The following ZBTB7C variants were observed in gnomAD, a reference collection of about 807,000 sequenced individuals.
The protein encoded by ZBTB7C is zinc finger and BTB domain-containing protein 7C.
ZBTB7C carries 8 observed loss-of-function variants against 25.7 expected under a neutral mutation model. The observed-to-expected ratio is 0.31, with a 90% CI of 0.18 to 0.56. The LOEUF (loss-of-function observed/expected upper bound fraction) is 0.56, where lower values mean the gene tolerates loss of function less well. Among genes scored for constraint, ZBTB7C ranks in the 20% least tolerant of loss-of-function variants. The probability of loss-of-function intolerance (pLI) is 0.91; values close to 1 mark genes in which losing one functional copy is unlikely to be tolerated. For missense variants in ZBTB7C, 824 were observed against 855.2 expected (o/e 0.96, Z 0.46); for synonymous variants, 394 against 369.0 (o/e 1.07, Z -0.78).
At chr18:48,330,761 C>A (rs1295251988) in intron 2 of ZBTB7C, among the ~76,000 whole-genome samples, 2 of 151,744 alleles carry the variant, frequency 1.3e-5, no homozygotes, top group Non-Finnish European at 2.9e-5. Flanking sequence ...GGGGTGGAGA[C>A]AGAATGGAAG....
rs182139971 is a variant in ZBTB7C, at chr18:48,169,462, C to T, written c.-17+16472G>A. ...GCCCTGCCATCGTCACTTTTGAACT[C>T]GCAGCACCTGGCACACTGTGTTGCA... On this transcript the variant is annotated intron_variant, in intron 3 of 4. Transcript: ENST00000590800. Among the ~76,000 whole-genome samples the T allele has an allele frequency of 9.5e-4, 145 of 152,246 alleles. 1 individual carries two copies. The highest frequency in any genetic ancestry group is 3.4e-3 in the African/African-American group (142 of 41,530).
At chr18:48,389,596 C>T (rs955750053) in intron 1 of ZBTB7C, among the ~76,000 whole-genome samples, 2 of 150,858 alleles carry the variant, frequency 1.3e-5, no homozygotes, top group Non-Finnish European at 2.9e-5. Context: ...CTTGGGTGTT[C>T]CCCAGGGTAT....
intron 2 of ZBTB7C, among the ~76,000 whole-genome samples, chr18:48,246,287 G>A (rs191581049): frequency 8.5e-5 from 13 of 152,066 alleles, no homozygotes; most frequent in African/African-American, 2.4e-4. Context: ...AACGTTAGCC[G>A]GGCGTGGTGG....
intron 4 of ZBTB7C, among the ~76,000 whole-genome samples, chr18:48,032,422 G>GTTTTTTTTTT (rs71165309): frequency 1.2e-4 from 8 of 65,094 alleles, no homozygotes; most frequent in African/African-American, 5.1e-4. Flanking sequence ...GACAAGGTAG[G>GTTTTTTTTTT]TTTTTTTTTT....
At chr18:48,195,250 T>A (rs577301214) in intron 2 of ZBTB7C, among the ~76,000 whole-genome samples, 1 of 152,238 alleles carries the variant, frequency 6.6e-6, no homozygotes, top group African/African-American at 2.4e-5. Flanking sequence ...ACCATACTCA[T>A]ATGGTGATAT....
At chr18:48,297,025 G>A (rs1230253567) in intron 2 of ZBTB7C, among the ~76,000 whole-genome samples, 1 of 152,098 alleles carries the variant, frequency 6.6e-6, no homozygotes, top group African/African-American at 2.4e-5. Context: ...ATCTGAGGTG[G>A]AACAGTTTCC....
chr18:48,145,653 T>C (rs2040477393), intron 3 of ZBTB7C, among the ~76,000 whole-genome samples: 1 of 152,246 alleles, frequency 6.6e-6, no homozygotes, highest in Admixed American at 6.5e-5. Flanking sequence ...GATATAGATA[T>C]AGACCAGTGA....
At position 48,292,948 on chromosome 18, in the gene ZBTB7C, C is replaced by A. The variant is rs531703696; in HGVS notation, c.-79+45226G>T. ...GCAAGCACTGTGGTGACACCCCCAC[C>A]CCTGCCATGGTCAGCTTTGCTTATC... On this transcript the variant is annotated intron_variant, in intron 2 of 4. Transcript: ENST00000590800. Among the ~76,000 whole-genome samples the A allele has an allele frequency of 2.6e-5, 4 of 152,306 alleles. No individual in the cohort carries two copies. The South Asian group carries it at 6.2e-4, about 24-fold the overall frequency.
intron 3 of ZBTB7C, among the ~76,000 whole-genome samples, chr18:48,101,421 A>T (rs1053224458): frequency 6.6e-6 from 1 of 152,232 alleles, no homozygotes. Context: ...CCAAAATATT[A>T]TCATCTCAAT....
chr18:48,091,238 ATTTTTTTTTTTTTT>A (rs35051690), intron 3 of ZBTB7C, among the ~76,000 whole-genome samples: 1 of 64,674 alleles, frequency 1.5e-5, no homozygotes, highest in Non-Finnish European at 2.7e-5. Context: ...TGCCCGGATA[ATTTTTTTTTTTTTT>A]TTTTTTTTTT....
chr18:48,297,544 A>T (rs1441700990), intron 2 of ZBTB7C, among the ~76,000 whole-genome samples: 3 of 152,028 alleles, frequency 2.0e-5, no homozygotes, highest in Admixed American at 1.3e-4. Context: ...ATGTGCTGCC[A>T]TGTTCGTCTG....
chr18:48,278,004 C>T (rs1001858353), intron 2 of ZBTB7C, among the ~76,000 whole-genome samples: 2 of 152,014 alleles, frequency 1.3e-5, no homozygotes, highest in Admixed American at 6.6e-5. Flanking sequence ...ATGGAGGTGA[C>T]GGATTATTTC....
chr18:48,240,834 T>G (rs117590490), intron 2 of ZBTB7C, among the ~76,000 whole-genome samples: 5 of 151,826 alleles, frequency 3.3e-5, no homozygotes, highest in Non-Finnish European at 7.4e-5. Context: ...ATGAATAGAG[T>G]AGCACCTCAC....
intron 1 of ZBTB7C, among the ~76,000 whole-genome samples, chr18:48,352,002 C>A (rs543250532): frequency 2.6e-5 from 4 of 152,326 alleles, no homozygotes; most frequent in Admixed American, 6.5e-5. Flanking sequence ...TCCTCACCTC[C>A]ATTTAGCCTT....
At chr18:48,180,761 C>T (rs1336476143) in intron 3 of ZBTB7C, among the ~76,000 whole-genome samples, 3 of 152,174 alleles carry the variant, frequency 2.0e-5, no homozygotes, top group Non-Finnish European at 2.9e-5. Context: ...CAACCTCCCA[C>T]CAGGTGTAGG....
chr18:48,117,065 G>A (rs988640987), intron 3 of ZBTB7C, among the ~76,000 whole-genome samples: 7 of 152,124 alleles, frequency 4.6e-5, no homozygotes, highest in South Asian at 2.1e-4. Flanking sequence ...TGGGCTGGGC[G>A]TGGTTAGAGC....
chr18:48,287,739 GA>G (rs893210850), intron 2 of ZBTB7C, among the ~76,000 whole-genome samples: 3 of 152,048 alleles, frequency 2.0e-5, no homozygotes, highest in South Asian at 2.1e-4. Flanking sequence ...TATGGAATTG[GA>G]AAAAAATGGC....
chr18:48,095,536 A>C (rs2038587643), intron 3 of ZBTB7C, among the ~76,000 whole-genome samples: 2 of 152,012 alleles, frequency 1.3e-5, no homozygotes, highest in Admixed American at 6.6e-5. Flanking sequence ...ACATGGTGAA[A>C]CCTCATCTCT....
At chr18:48,339,101 G>T (rs1411266711) in intron 1 of ZBTB7C, among the ~76,000 whole-genome samples, 1 of 152,258 alleles carries the variant, frequency 6.6e-6, no homozygotes, top group Non-Finnish European at 1.5e-5. Flanking sequence ...GTCAGGAGGG[G>T]CCAAAGTCCT....
Sources: allele counts gnomAD v4.1 joint callset (sites outside exome capture counted in the v4.1 genomes callset), GRCh38; gene constraint gnomAD v4.1.1; transcripts MANE v1.5; gene names NCBI Gene and HGNC (gene_info 2026-07-23, HGNC 2026-07-21).